SYN3: variants seen among roughly 807,000 people sequenced by gnomAD.
SYN3 encodes the protein synapsin III.
In SYN3, 35 loss-of-function variants were observed where a neutral mutation model predicts 65.8. The observed-to-expected ratio is 0.53, with a 90% CI of 0.41 to 0.70. The LOEUF is 0.70. SYN3 is among the 30% of genes least tolerant of loss of function. The probability of loss-of-function intolerance (pLI) is 0.00; values close to 1 mark genes in which losing one functional copy is unlikely to be tolerated. For synonymous variants in SYN3, 270 were observed against 292.9 expected, an observed-to-expected ratio of 0.92 and a Z score of 0.80; for missense variants, 680 against 749.0, an observed-to-expected ratio of 0.91 and a Z score of 1.08.
At chr22:32,946,399 C>T (rs1051041564) in intron 3 of SYN3, among the ~76,000 whole-genome samples, 10 of 151,458 alleles carry the variant, frequency 6.6e-5, no homozygotes, top group East Asian at 3.9e-4. Flanking sequence ...GTAGGGACAT[C>T]GATGAAGCTG....
intron 6 of SYN3, among the ~76,000 whole-genome samples, chr22:32,692,525 A>G (rs1181849622): frequency 6.6e-6 from 1 of 152,184 alleles, no homozygotes; most frequent in African/African-American, 2.4e-5. Context: ...CAGGCCACCA[A>G]CACGCTCACT....
chr22:32,708,421 A>T (rs935488880), intron 6 of SYN3, among the ~76,000 whole-genome samples: 3 of 152,208 alleles, frequency 2.0e-5, no homozygotes, highest in Admixed American at 1.3e-4. Flanking sequence ...TAAGGCTCTG[A>T]CAACCCCGTG....
chr22:32,879,680 C>G (rs926928953), intron 4 of SYN3, among the ~76,000 whole-genome samples: 1 of 152,228 alleles, frequency 6.6e-6, no homozygotes, highest in East Asian at 1.9e-4. Flanking sequence ...CTGAGGAACA[C>G]AGGCATTCAG....
intron 6 of SYN3, among the ~76,000 whole-genome samples, chr22:32,851,306 G>C (rs1035111178): frequency 3.3e-5 from 5 of 152,212 alleles, no homozygotes; most frequent in African/African-American, 1.2e-4. Context: ...ATAGCTGGGA[G>C]GCAGCAGTTC....
In SYN3 at chr22:32,864,971, C is replaced by G; in HGVS notation, c.655G>C (p.Gly219Arg). Residue 219 changes from glycine to arginine, a missense_variant, in exon 6 of 14, where the codon GGT becomes CGT. Transcript: ENST00000358763. ...SQLIKIFHSL[G>R]PEKFPLVEQT... ...TCCACAAGCGGGAACTTCTCAGGAC[C>G]CAGGGAATGGAAGATCTTAATGAGC... is the stretch of plus-strand genomic sequence containing the variant. 6.2e-7 allele frequency: 1 copy of G among 1,614,040 alleles called. No individual in the cohort carries two copies. The highest frequency in any genetic ancestry group is 8.5e-7 in the Non-Finnish European group (1 of 1,179,974).
intron 6 of SYN3, among the ~76,000 whole-genome samples, chr22:32,796,201 C>T (rs2046423850): frequency 6.6e-6 from 1 of 152,140 alleles, no homozygotes; most frequent in Non-Finnish European, 1.5e-5. Context: ...AATATATGGT[C>T]ATTGAAACAT....
chr22:32,989,463 G>A (rs542896456), intron 2 of SYN3, among the ~76,000 whole-genome samples: 36 of 152,234 alleles, frequency 2.4e-4, no homozygotes, highest in African/African-American at 8.7e-4. Context: ...ACCTTGCTTG[G>A]TGTCGAGCAT....
intron 6 of SYN3, among the ~76,000 whole-genome samples, chr22:32,828,234 G>A (rs138330509): frequency 1.3e-5 from 2 of 152,322 alleles, no homozygotes; most frequent in East Asian, 3.9e-4. Context: ...TGTCTGTGCT[G>A]GATTCAAACT....
chr22:32,760,675 G>C (rs552601134), intron 6 of SYN3, among the ~76,000 whole-genome samples: 2 of 151,974 alleles, frequency 1.3e-5, no homozygotes, highest in Non-Finnish European at 2.9e-5. Flanking sequence ...CAGGCTCTGA[G>C]GGTGGGGCTC....
At chr22:33,037,180 GT>G (rs1404212996) in intron 1 of SYN3, among the ~76,000 whole-genome samples, 2 of 152,162 alleles carry the variant, frequency 1.3e-5, no homozygotes, top group South Asian at 2.1e-4. Context: ...GAAAAAGTGG[GT>G]TTTTTCCTCC....
intron 6 of SYN3, among the ~76,000 whole-genome samples, chr22:32,603,208 T>A (rs2059310511): frequency 6.6e-6 from 1 of 151,848 alleles, no homozygotes; most frequent in African/African-American, 2.4e-5. Flanking sequence ...TCCCCCATGT[T>A]ATAGATAACA....
chr22:33,019,413 C>G lies in SYN3; in HGVS notation c.-162-12589G>C, dbSNP rs73162076. Among the ~76,000 whole-genome samples the G allele has an allele frequency of 5.8e-3, 883 of 152,262 alleles. 7 individuals are homozygous for G. The highest frequency in any genetic ancestry group is 0.028 in the South Asian group (137 of 4,824). ...AGGCAGACAGACTCTGGTTCCAATC[C>G]CAGCTCTGCCACTTACTCATGTAAT... is the stretch of plus-strand genomic sequence containing the variant. On this transcript the variant is annotated intron_variant, in intron 1 of 13. Coordinates refer to ENST00000358763, the MANE Select transcript of SYN3 (RefSeq NM_003490.4).
chr22:32,844,763 G>A (rs1406617209), intron 6 of SYN3, among the ~76,000 whole-genome samples: 1 of 151,278 alleles, frequency 6.6e-6, no homozygotes, highest in Non-Finnish European at 1.5e-5. Context: ...AGGCTGGAGT[G>A]TAATGGCATG....
chr22:32,510,989 G>GTGTGTGTGTGTGTGTGTC lies in SYN3; in HGVS notation c.*2702_*2703insGACACACACACACACACA. ...ATTCCAAGTTATTGTCCAGGCGTGT[G>GTGTGTGTGTGTGTGTGTC]TGTGTGTGTGTGTGTGTGTGTGTGT... is the stretch of plus-strand genomic sequence containing the variant. On this transcript the variant is annotated 3_prime_UTR_variant, in exon 14 of 14. Coordinates refer to ENST00000358763, the MANE Select transcript of SYN3 (RefSeq NM_003490.4). 7.0e-6 allele frequency among the ~76,000 whole-genome samples: 1 copy of GTGTGTGTGTGTGTGTGTC among 142,058 alleles called. No homozygotes were observed. The highest frequency in any genetic ancestry group is 2.5e-5 in the African/African-American group (1 of 39,776). 93.2% of individuals were successfully genotyped at this position (142,058 alleles called of 152,430 possible).
At chr22:32,688,193 T>C (rs1173474640) in intron 6 of SYN3, among the ~76,000 whole-genome samples, 1 of 152,186 alleles carries the variant, frequency 6.6e-6, no homozygotes, top group African/African-American at 2.4e-5. Context: ...CCCACTTCCA[T>C]GTTGGGCATG....
At chr22:32,601,320 C>T (rs1405400528) in intron 6 of SYN3, among the ~76,000 whole-genome samples, 1 of 151,732 alleles carries the variant, frequency 6.6e-6, no homozygotes, top group Non-Finnish European at 1.5e-5. Context: ...CTCTGTCGCC[C>T]AGGCTGGAGT....
intron 6 of SYN3, among the ~76,000 whole-genome samples, chr22:32,602,063 C>T (rs2059292250): frequency 6.6e-6 from 1 of 151,988 alleles, no homozygotes; most frequent in Non-Finnish European, 1.5e-5. Flanking sequence ...TGCATTGGTC[C>T]ACATTACCTT....
intron 6 of SYN3, among the ~76,000 whole-genome samples, chr22:32,751,884 A>C (rs1039898834): frequency 3.9e-5 from 6 of 152,220 alleles, no homozygotes; most frequent in African/African-American, 1.4e-4. Flanking sequence ...AGCACTTACT[A>C]TGTGTCAGCT....
intron 6 of SYN3, among the ~76,000 whole-genome samples, chr22:32,790,281 C>G (rs1202958831): frequency 6.6e-6 from 1 of 152,074 alleles, no homozygotes; most frequent in African/African-American, 2.4e-5. Flanking sequence ...CATACAGAAA[C>G]AACAGATGAA....
Sources: allele counts gnomAD v4.1 joint callset (sites outside exome capture counted in the v4.1 genomes callset), GRCh38; gene constraint gnomAD v4.1.1; transcripts MANE v1.5; gene names NCBI Gene and HGNC (gene_info 2026-07-23, HGNC 2026-07-21).